NAALADL2: variants seen among roughly 807,000 people sequenced by gnomAD.
The protein encoded by NAALADL2 is N-acetylated alpha-linked acidic dipeptidase like 2.
NAALADL2 carries 76 observed loss-of-function variants against 87.2 expected under a neutral mutation model. The ratio of observed to expected loss-of-function variants is 0.87; its 90% CI spans 0.72 to 1.05. NAALADL2 has a LOEUF of 1.05. NAALADL2 is among the 50% of genes least tolerant of loss of function. NAALADL2 has a pLI of 0.00. For missense variants in NAALADL2, 1,089 were observed against 945.8 expected (o/e 1.15, Z -1.99); for synonymous variants, 354 against 331.0 (o/e 1.07, Z -0.75).
chr3:175,119,835 T>C (rs1321646042), intron 2 of NAALADL2, among the ~76,000 whole-genome samples: 5 of 145,850 alleles, frequency 3.4e-5, no homozygotes, highest in Non-Finnish European at 6.0e-5. Context: ...ATATAAGATG[T>C]ATATGACTTA....
intron 2 of NAALADL2, among the ~76,000 whole-genome samples, chr3:174,691,367 G>A (rs746704148): frequency 9.2e-5 from 14 of 151,936 alleles, no homozygotes; most frequent in South Asian, 8.3e-4. Flanking sequence ...GTCCGAGATC[G>A]CGCCACTGCA....
At chr3:175,552,774 A>C (rs890038901) in intron 9 of NAALADL2, among the ~76,000 whole-genome samples, 4 of 152,094 alleles carry the variant, frequency 2.6e-5, no homozygotes, top group Admixed American at 2.6e-4. Context: ...ATGCATTATA[A>C]CATTTTTCAC....
chr3:175,398,381 C>T (rs1770107488), intron 5 of NAALADL2, among the ~76,000 whole-genome samples: 1 of 140,102 alleles, frequency 7.1e-6, no homozygotes, highest in South Asian at 2.3e-4. Context: ...CCTTTGCAAG[C>T]ACGGATTGCC....
At chr3:175,377,050 C>T (rs966705004) in intron 5 of NAALADL2, among the ~76,000 whole-genome samples, 2 of 151,892 alleles carry the variant, frequency 1.3e-5, no homozygotes, top group Non-Finnish European at 2.9e-5. Context: ...CAGTGGCTCA[C>T]ACCTGTAATT....
At chr3:174,891,642 G>A (rs1201797743) in intron 1 of NAALADL2, among the ~76,000 whole-genome samples, 1 of 152,112 alleles carries the variant, frequency 6.6e-6, no homozygotes, top group Non-Finnish European at 1.5e-5. Flanking sequence ...GATCACACAG[G>A]TCTGAACTTG....
At chr3:175,654,051 C>A (rs1042355808) in intron 11 of NAALADL2, among the ~76,000 whole-genome samples, 8 of 152,170 alleles carry the variant, frequency 5.3e-5, no homozygotes, top group Non-Finnish European at 1.2e-4. Context: ...GATTGTTGTA[C>A]AATCAAAAGA....
intron 3 of NAALADL2, among the ~76,000 whole-genome samples, chr3:174,854,039 A>T (rs944146974): frequency 7.9e-5 from 12 of 152,216 alleles, no homozygotes; most frequent in Admixed American, 5.9e-4. Flanking sequence ...GTGTATATTC[A>T]AAAGAAAGGA....
chr3:175,495,758 A>G (rs1343221023), intron 9 of NAALADL2, among the ~76,000 whole-genome samples: 4 of 151,956 alleles, frequency 2.6e-5, no homozygotes, highest in East Asian at 1.9e-4. Flanking sequence ...TTGAGAGTCT[A>G]TAATTGTTTA....
chr3:175,120,853 A>C (rs1290872940), intron 2 of NAALADL2, among the ~76,000 whole-genome samples: 1 of 151,830 alleles, frequency 6.6e-6, no homozygotes, highest in Admixed American at 6.6e-5. Context: ...ATAATCTTAA[A>C]AAGTTAGTTT....
chr3:174,860,725 C>A (rs1726388500), intron 1 of NAALADL2, among the ~76,000 whole-genome samples: 1 of 151,974 alleles, frequency 6.6e-6, no homozygotes, highest in Non-Finnish European at 1.5e-5. Context: ...AGTAACCAGG[C>A]CTCTTTCCAT....
chr3:174,739,277 G>A (rs1328401940), intron 3 of NAALADL2, among the ~76,000 whole-genome samples: 2 of 151,956 alleles, frequency 1.3e-5, no homozygotes, highest in Non-Finnish European at 2.9e-5. Flanking sequence ...TTAGGCAACA[G>A]GCTTAGTGGA....
At chr3:174,980,355 G>A (rs1744947841) in intron 1 of NAALADL2, among the ~76,000 whole-genome samples, 1 of 152,120 alleles carries the variant, frequency 6.6e-6, no homozygotes, top group East Asian at 1.9e-4. Flanking sequence ...AATTATAGAG[G>A]AAGGTGGAGT....
At chr3:174,441,495 G>T (rs566713157) in intron 1 of NAALADL2, among the ~76,000 whole-genome samples, 2 of 152,232 alleles carry the variant, frequency 1.3e-5, no homozygotes, top group African/African-American at 4.8e-5. Context: ...CCGCGGGCCC[G>T]CGCGTTCGAA....
intron 5 of NAALADL2, among the ~76,000 whole-genome samples, chr3:175,330,027 G>A (rs1761204671): frequency 6.6e-6 from 1 of 152,030 alleles, no homozygotes. Flanking sequence ...TTAGAATGTT[G>A]TGTACTTGTA....
chr3:175,025,074 C>G (rs1752045422), intron 1 of NAALADL2, among the ~76,000 whole-genome samples: 1 of 152,020 alleles, frequency 6.6e-6, no homozygotes, highest in African/African-American at 2.4e-5. Flanking sequence ...CAAATTCTCA[C>G]TTTTTCGCTT....
intron 2 of NAALADL2, among the ~76,000 whole-genome samples, chr3:174,625,357 C>A (rs865862776): frequency 7.2e-5 from 11 of 151,974 alleles, no homozygotes; most frequent in Middle Eastern, 3.4e-3. Flanking sequence ...CACGCCTGGC[C>A]TATAAGTTTA....
chr3:174,902,258 A>C (rs1732406603), intron 1 of NAALADL2, among the ~76,000 whole-genome samples: 1 of 152,138 alleles, frequency 6.6e-6, no homozygotes, highest in Non-Finnish European at 1.5e-5. Context: ...TTTTGACCAT[A>C]TACTTAAACT....
intron 1 of NAALADL2, among the ~76,000 whole-genome samples, chr3:175,055,174 T>C (rs764866534): frequency 6.6e-6 from 1 of 152,210 alleles, no homozygotes; most frequent in Non-Finnish European, 1.5e-5. Context: ...TTTTCCTTGT[T>C]TATTTGTGCT....
At chr3:175,381,280 T>C (rs1478524610) in intron 5 of NAALADL2, among the ~76,000 whole-genome samples, 1 of 151,598 alleles carries the variant, frequency 6.6e-6, no homozygotes, top group Non-Finnish European at 1.5e-5. Flanking sequence ...ATAATTATTT[T>C]AGTTCTATCT....
Sources: gnomAD v4.1 joint callset for allele counts (sites outside exome capture counted in the v4.1 genomes callset) on GRCh38, gnomAD v4.1.1 for gene constraint, MANE v1.5 for transcripts, NCBI Gene and HGNC (gene_info 2026-07-23, HGNC 2026-07-21) for gene names.